Variants in TIMP2 observed in about 807,000 individuals in gnomAD.
The protein encoded by TIMP2 is metalloproteinase inhibitor 2.
A neutral mutation model predicts 24.3 loss-of-function variants in TIMP2; 5 were observed. The observed-to-expected ratio is 0.21, with a 90% CI of 0.11 to 0.43. TIMP2 has a LOEUF of 0.43. Ranked by LOEUF, TIMP2 falls within the 20% of genes least tolerant of loss-of-function variation. TIMP2 has a pLI of 1.00. For missense variants in TIMP2, 221 were observed against 297.5 expected, an observed-to-expected ratio of 0.74 and a Z score of 1.89; for synonymous variants, 130 against 123.2, an observed-to-expected ratio of 1.06 and a Z score of -0.37.
intron 3 of TIMP2, among the ~76,000 whole-genome samples, chr17:78,864,123 T>C (rs1269279533): frequency 6.6e-6 from 1 of 152,100 alleles, no homozygotes; most frequent in Admixed American, 6.6e-5. Context: ...CCCTGCCACC[T>C]GGGCTAGAGT....
intron 1 of TIMP2, among the ~76,000 whole-genome samples, chr17:78,881,691 T>G (rs540792495): frequency 6.6e-6 from 1 of 152,352 alleles, no homozygotes; most frequent in African/African-American, 2.4e-5. Flanking sequence ...CAACCTCCAC[T>G]TACTCCTGGG....
In TIMP2 at chr17:78,855,880, C is replaced by T. The variant is rs764372994; in HGVS notation, c.466-16G>A. The T allele has an allele frequency of 1.2e-5, 20 of 1,613,036 alleles. No homozygotes were observed. Among genetic ancestry groups the T allele is most frequent in the Middle Eastern group, 1.7e-4 (1 of 6,058 alleles). On this transcript the variant is annotated splice_polypyrimidine_tract_variant and intron_variant, in intron 4 of 4. Transcript: ENST00000262768. The surrounding 1 kb of genome is among the most constrained non-coding windows in gnomAD (Gnocchi z 6.0). ...AGCGCGTGATCTGGGGAGGGGCACA[C>T]GGAGGGGGACGGAGTCAGGGACCCA...
intron 1 of TIMP2, chr17:78,892,491 C>T: frequency 6.6e-7 from 1 of 1,524,452 alleles, no homozygotes; most frequent in Non-Finnish European, 8.8e-7. Context: ...TGCAGCTTTC[C>T]AGATCGCTCC....
intron 1 of TIMP2, among the ~76,000 whole-genome samples, chr17:78,885,191 A>AC (rs1198162448): frequency 9.2e-5 from 14 of 152,302 alleles, no homozygotes; most frequent in African/African-American, 3.4e-4. Flanking sequence ...GGGGAGAAGG[A>AC]CCCACAAGGC....
intron 1 of TIMP2, among the ~76,000 whole-genome samples, chr17:78,918,860 C>T (rs1197994377): frequency 6.6e-6 from 1 of 151,840 alleles, no homozygotes; most frequent in Non-Finnish European, 1.5e-5. Context: ...ATTAGCTGGG[C>T]GTGGTGGCTG....
At position 78,853,806 on chromosome 17, in the gene TIMP2, A is replaced by G. The variant is rs2069502690; in HGVS notation, c.*1861T>C. On this transcript the variant is annotated 3_prime_UTR_variant, in exon 5 of 5. Coordinates refer to ENST00000262768, the MANE Select transcript of TIMP2 (RefSeq NM_003255.5). ...AACATTAAAAAAACAATCAGCAGAAACAGGAGTAAATGTTACATATGATAT... is the reference window on the plus strand; with the variant it reads ...AACATTAAAAAAACAATCAGCAGAAGCAGGAGTAAATGTTACATATGATAT... 1 of 152,672 alleles carries G rather than the reference A, an allele frequency of 6.5e-6. No homozygotes were observed. The highest frequency in any genetic ancestry group is 2.4e-5 in the African/African-American group (1 of 41,476). The allele number at this position is 152,672 out of a possible 1,614,324, so 9.5% of individuals were successfully genotyped here. A position where few individuals can be genotyped will look rare whatever the true frequency, so the allele number is the denominator to read the frequency against.
At position 78,873,992 on chromosome 17, in the gene TIMP2, C is replaced by T. The variant is rs11871982; in HGVS notation, c.131-73G>A. On this transcript the variant is annotated intron_variant, in intron 1 of 4. Transcript: ENST00000262768. ...CCTGGGGCTAAGGAGAGGGATAAGA[C>T]GTCCAGGCCTGCGGGAGGTGCTGGG... The T allele has an allele frequency of 3.4e-3, 4,763 of 1,410,614 alleles. 115 individuals carry two copies. The African/African-American group carries it at 0.056, about 16-fold the overall frequency. 87.4% of individuals were successfully genotyped at this position (1,410,614 alleles called of 1,614,324 possible).
intron 1 of TIMP2, among the ~76,000 whole-genome samples, chr17:78,914,338 G>A (rs73397248): frequency 0.13 from 19,740 of 151,160 alleles, 1,601 homozygotes; most frequent in African/African-American, 0.23. Context: ...GATGGAGTAC[G>A]GTGGCCCGAT....
intron 1 of TIMP2, among the ~76,000 whole-genome samples, chr17:78,878,385 G>A (rs2069747751): frequency 6.6e-6 from 1 of 152,178 alleles, no homozygotes; most frequent in African/African-American, 2.4e-5. Flanking sequence ...CTGGTGTGGA[G>A]GCTGCGGTGC....
chr17:78,860,220 T>C (rs1012319885), intron 3 of TIMP2, among the ~76,000 whole-genome samples: 2 of 151,914 alleles, frequency 1.3e-5, no homozygotes, highest in African/African-American at 4.8e-5. Context: ...ACCTCATCCC[T>C]CCTGCTACAA....
At chr17:78,914,719 G>C (rs1436983662) in intron 1 of TIMP2, among the ~76,000 whole-genome samples, 1 of 151,974 alleles carries the variant, frequency 6.6e-6, no homozygotes, top group South Asian at 2.1e-4. Flanking sequence ...GGGACTACAG[G>C]CACGTGCCAC....
rs553978593 is a variant in TIMP2 at position 78,896,881 on chromosome 17, C to T, written c.131-22962G>A. The stretch of plus-strand genomic sequence containing the variant: ...ATGGCAGCTCCACCCCAGACCGATC[C>T]GATCCCAGCACCTGGGCCCAGGAAT... On this transcript the variant is annotated intron_variant, in intron 1 of 4. Coordinates refer to ENST00000262768, the MANE Select transcript of TIMP2 (RefSeq NM_003255.5). This position sits in a 1 kb window ranked among gnomAD's most constrained non-coding sequence, Gnocchi z 4.4. 3.6e-5 allele frequency: 35 copies of T among 980,762 alleles called. No individual in the cohort carries two copies. In the Middle Eastern group the frequency reaches 1.6e-3, roughly 44 times the overall value. The allele number at this position is 980,762 out of a possible 1,614,324, so 60.8% of individuals were successfully genotyped here.
In TIMP2 at chr17:78,920,675, T is replaced by C. The variant is rs1255987909; in HGVS notation, c.130+4284A>G. 5.9e-5 allele frequency among the ~76,000 whole-genome samples: 9 copies of C among 152,234 alleles called. No individual in the cohort carries two copies. The highest frequency in any genetic ancestry group is 2.2e-4 in the African/African-American group (9 of 41,464). ...TATCCTCACATCTTGCAAATGCATT[T>C]CACATTGTCACATGATTACTCCTGA... On this transcript the variant is annotated intron_variant, in intron 1 of 4. Transcript: ENST00000262768. This position sits in a 1 kb window ranked among gnomAD's most constrained non-coding sequence, Gnocchi z 4.5.
intron 1 of TIMP2, among the ~76,000 whole-genome samples, chr17:78,923,866 CAG>C (rs1347359956): frequency 3.9e-5 from 6 of 152,192 alleles, no homozygotes; most frequent in Non-Finnish European, 5.9e-5. Context: ...GCAGGAGAAA[CAG>C]AAAGTCCCAC....
Position 78,857,654 on chromosome 17 carries a change from G to C in TIMP2, c.341-8C>G, listed in dbSNP as rs1257111886. The C allele has an allele frequency of 1.2e-6, 2 of 1,613,926 alleles. No homozygotes were observed. The highest frequency in any genetic ancestry group is 2.7e-5 in the African/African-American group (2 of 74,932). On this transcript the variant is annotated splice_region_variant and splice_polypyrimidine_tract_variant and intron_variant, in intron 3 of 4. Coordinates refer to ENST00000262768, the MANE Select transcript of TIMP2 (RefSeq NM_003255.5). ...CGTCCCCCTCGGCCTTTCCTGCGGA[G>C]AGACGGGGATCACCGAGCTCAGGGA...
chr17:78,910,481 C>T (rs1227347528), intron 1 of TIMP2, among the ~76,000 whole-genome samples: 2 of 152,208 alleles, frequency 1.3e-5, no homozygotes, highest in African/African-American at 4.8e-5. Context: ...GTGTGGGCCA[C>T]CGCCTGGCCT....
chr17:78,919,871 T>G (rs961622059), intron 1 of TIMP2, among the ~76,000 whole-genome samples: 3 of 152,088 alleles, frequency 2.0e-5, no homozygotes, highest in Non-Finnish European at 2.9e-5. Flanking sequence ...ATCCTAGCCA[T>G]GCAGCCACTT....
intron 3 of TIMP2, among the ~76,000 whole-genome samples, chr17:78,868,494 G>A (rs942258942): frequency 2.6e-5 from 4 of 151,930 alleles, no homozygotes; most frequent in Non-Finnish European, 5.9e-5. Context: ...CAAGCAATCC[G>A]CCCGCCTCAG....
At chr17:78,904,418 C>T (rs937200541) in intron 1 of TIMP2, 3 of 151,948 alleles carry the variant, frequency 2.0e-5, no homozygotes, top group East Asian at 1.9e-4. Context: ...AGCAGGAATT[C>T]GGCTGAGGTG....
Sources: gnomAD v4.1 joint callset for allele counts (sites outside exome capture counted in the v4.1 genomes callset) on GRCh38, gnomAD v4.1.1 for gene constraint, Gnocchi (gnomAD v3.1) non-coding constraint, MANE v1.5 for transcripts, NCBI Gene and HGNC (gene_info 2026-07-23, HGNC 2026-07-21) for gene names.